Variants in PLEC observed in about 807,000 individuals in gnomAD.
PLEC encodes the protein hemidesmosomal protein 1.
In PLEC, 216 loss-of-function variants were observed where a neutral mutation model predicts 392.8. That is an observed-to-expected ratio of 0.55 (90% confidence interval 0.49 to 0.62). PLEC has a LOEUF of 0.62. Among genes scored for constraint, PLEC ranks in the 20% least tolerant of loss-of-function variants. PLEC has a pLI of 0.00. For synonymous variants in PLEC, 3,621 were observed against 2,980.6 expected, an observed-to-expected ratio of 1.21 and a Z score of -7.00; for missense variants, 6,863 against 6,563.4, an observed-to-expected ratio of 1.05 and a Z score of -1.58.
In PLEC at chr8:143,921,123, C is replaced by G. The variant is rs782610157; in HGVS notation, c.8698G>C (p.Glu2900Gln). 1 of 1,612,858 alleles carries G rather than the reference C, an allele frequency of 6.2e-7. No homozygotes were observed. Among genetic ancestry groups the G allele is most frequent in the South Asian group, 1.1e-5 (1 of 91,084 alleles). The change falls in exon 32 of 32, where the codon GAG becomes CAG. Residue 2900 changes from glutamate to glutamine, a missense_variant. By Grantham distance (29) the Glu-to-Gln change is conservative (BLOSUM62 2). Transcript: ENST00000345136. ...KGGELVYTDSEARDVFEKATV... is the reference protein window; with the variant it reads ...KGGELVYTDSQARDVFEKATV... The stretch of plus-strand genomic sequence containing the variant: ...GCCTTCTCAAAGACGTCCCGGGCCT[C>G]GGAGTCAGTGTAGACCAGCTCCCCG...
intron 5 of PLEC, among the ~76,000 whole-genome samples, chr8:143,936,758 C>G (rs970261744): frequency 5.9e-5 from 9 of 152,200 alleles, no homozygotes; most frequent in African/African-American, 2.2e-4. Context: ...GGCCAGAGGG[C>G]ACGGATAGGT....
At position 143,918,758 on chromosome 8, in the gene PLEC, C is replaced by T. The variant is rs1554676163; in HGVS notation, c.11063G>A (p.Gly3688Asp). ...GTAGACACCAGCCACGGAGCCCGTGCCATAGAGGTAGCACCAGGCGGACTC... is the reference window on the plus strand; with the variant it reads ...GTAGACACCAGCCACGGAGCCCGTGTCATAGAGGTAGCACCAGGCGGACTC... The part of the protein sequence containing the change: ...EAESAWCYLY[G>D]TGSVAGVYLP... The change falls in exon 32 of 32, where the codon GGC becomes GAC. Residue 3688 changes from glycine (G) to aspartate (D), a missense_variant. By Grantham distance (94) the Gly-to-Asp change is moderately conservative. Coordinates refer to ENST00000345136, the MANE Select transcript of PLEC (RefSeq NM_201384.3). 6.2e-7 allele frequency: 1 copy of T among 1,613,094 alleles called. No individual in the cohort carries two copies. Among genetic ancestry groups the T allele is most frequent in the South Asian group, 1.1e-5 (1 of 91,088 alleles).
rs1825641725 is a variant in PLEC at position 143,927,470 on chromosome 8, C to G, written c.3696G>C (p.Gln1232His). 1.3e-6 allele frequency: 2 copies of G among 1,597,518 alleles called. No individual in the cohort carries two copies. The highest frequency in any genetic ancestry group is 1.1e-5 in the South Asian group (1 of 90,910). The change falls in exon 27 of 32, where the codon CAG becomes CAC. Residue 1232 changes from glutamine (Q) to histidine (H), a missense_variant. By Grantham distance (24) the Gln-to-His change is conservative (BLOSUM62 0). Coordinates refer to ENST00000345136, the MANE Select transcript of PLEC (RefSeq NM_201384.3). ...TGTCGGCCAGCGGCATGGCCTGGATCTGCTCCTGCCGCCGCCTGGCGTCCT... is the reference window on the plus strand; with the variant it reads ...TGTCGGCCAGCGGCATGGCCTGGATGTGCTCCTGCCGCCGCCTGGCGTCCT... ...WLQDARRRQEQIQAMPLADSQ... is the reference protein window; with the variant it reads ...WLQDARRRQEHIQAMPLADSQ...
rs1554690599 is a variant in PLEC, at chr8:143,922,826, A to G, written c.7103T>C (p.Leu2368Pro). The G allele has an allele frequency of 2.5e-6, 4 of 1,584,166 alleles. No homozygotes were observed. Among genetic ancestry groups the G allele is most frequent in the Non-Finnish European group, 3.4e-6 (4 of 1,167,686 alleles). Reference sequence around the variant, plus strand: ...CAGCTGCCGCTGCCGCTCGGCCTCCAGCGTCCGCTGGAAGCCCTGCGTCTC... The same window carrying G: ...CAGCTGCCGCTGCCGCTCGGCCTCCGGCGTCCGCTGGAAGCCCTGCGTCTC... ...AEETQGFQRT[L>P]EAERQRQLEM... The change falls in exon 31 of 32, where the codon CTG becomes CCG. Residue 2368 changes from leucine (L) to proline (P), a missense_variant. Transcript: ENST00000345136.
Position 143,938,251 on chromosome 8 carries a change from AG to A in PLEC, c.175-12del, listed in dbSNP as rs782678520. ...GATGTGCCTCTGGGCCTGTGGGGACAGCAGCGGCTGAGGTGGCCAGTCCCCC... is the reference window on the plus strand; with the variant it reads ...GATGTGCCTCTGGGCCTGTGGGGACACAGCGGCTGAGGTGGCCAGTCCCCC... On this transcript the variant is annotated splice_polypyrimidine_tract_variant and intron_variant, in intron 2 of 31. Coordinates refer to ENST00000345136, the MANE Select transcript of PLEC (RefSeq NM_201384.3). The A allele has an allele frequency of 6.3e-7, 1 of 1,586,898 alleles. No individual in the cohort carries two copies. The highest frequency in any genetic ancestry group is 1.1e-5 in the South Asian group (1 of 87,940).
At position 143,920,929 on chromosome 8, in the gene PLEC, C is replaced by T. The variant is rs1554683476; in HGVS notation, c.8892G>A (p.Glu2964=). The part of the protein sequence containing the change: ...KIIKIIITVV[E]EQEQKGRLCF... ...AAAGCCGGCCCTTCTGCTCCTGCTC[C>T]TCCACCACCGTGATGATGATCTTGA... The change falls in exon 32 of 32, where the codon GAG becomes GAA. Residue 2964 remains glutamate, a synonymous_variant. Coordinates refer to ENST00000345136, the MANE Select transcript of PLEC (RefSeq NM_201384.3). The T allele has an allele frequency of 1.2e-6, 2 of 1,612,740 alleles. No individual in the cohort carries two copies. Among genetic ancestry groups the T allele is most frequent in the Non-Finnish European group, 1.7e-6 (2 of 1,180,052 alleles).
chr8:143,933,878 C>T, intron 12 of PLEC, 120 bp downstream of exon 12: 1 of 822,814 alleles, frequency 1.2e-6, no homozygotes, highest in South Asian at 1.5e-5. Context: ...TGCCCCGCCC[C>T]TGCCCCTGCC....
chr8:143,954,035 AC>A, upstream of PLEC: 1 of 801,460 alleles, frequency 1.2e-6, no homozygotes, highest in Non-Finnish European at 1.8e-6. This position sits in a 1 kb window ranked among gnomAD's most constrained non-coding sequence, Gnocchi z 4.6. Context: ...CTGCCAGGTC[AC>A]CAGGCCGGAT....
chr8:143,922,901 G>A lies in PLEC; in HGVS notation c.7028C>T (p.Ala2343Val), dbSNP rs373446919. The A allele has an allele frequency of 6.9e-6, 11 of 1,590,296 alleles. No homozygotes were observed. The highest frequency in any genetic ancestry group is 4.6e-5 in the East Asian group (2 of 43,652). ...CTCCTTGTCCTCCTGCAGCCGCCGC[G>A]CCTGCTCCTGCGCAAGCTCCTTCTG... ...QQQKELAQEQ[A>V]RRLQEDKEQM... Residue 2343 changes from alanine to valine, a missense_variant, in exon 31 of 32, where the codon GCG (alanine) becomes GTG (valine). Coordinates refer to ENST00000345136, the MANE Select transcript of PLEC (RefSeq NM_201384.3).
In PLEC at chr8:143,950,541, G is replaced by T. The variant is rs200146147; in HGVS notation, c.166C>A (p.Arg56=). 31 of 1,607,726 alleles carry T rather than the reference G, an allele frequency of 1.9e-5. No individual in the cohort carries two copies. The East Asian group carries it at 6.3e-4, about 33-fold the overall frequency. Residue 56 remains arginine (R), a synonymous_variant, in exon 1 of 32, where the codon CGG becomes AGG. Transcript: ENST00000322810. Reference sequence around the variant, plus strand: ...GTCTCGCGGACCAGGCCCCGTGCCCGCAGGGACGCCATGGCACGCATGACC... The same window carrying T: ...GTCTCGCGGACCAGGCCCCGTGCCCTCAGGGACGCCATGGCACGCATGACC...
Position 143,918,591 on chromosome 8 carries a change from C to T in PLEC, c.11230G>A (p.Val3744Met), listed in dbSNP as rs528590099. 9 of 1,612,486 alleles carry T rather than the reference C, an allele frequency of 5.6e-6. No homozygotes were observed. Among genetic ancestry groups the T allele is most frequent in the South Asian group, 1.1e-5 (1 of 91,084 alleles). ...LDPVKGERLTVDEAVRKGLVG... is the reference protein window; with the variant it reads ...LDPVKGERLTMDEAVRKGLVG... ...AGGCCCTTCCGCACAGCCTCATCCA[C>T]AGTCAGCCGCTCCCCCTTCACCGGG... Residue 3744 changes from valine to methionine, a missense_variant, in exon 32 of 32, where the codon GTG becomes ATG. Val to Met is a conservative substitution (Grantham distance 21, BLOSUM62 1). Coordinates refer to ENST00000345136, the MANE Select transcript of PLEC (RefSeq NM_201384.3).
Position 143,920,309 on chromosome 8 carries a change from A to G in PLEC, c.9512T>C (p.Leu3171Pro). The G allele has an allele frequency of 6.3e-7, 1 of 1,591,270 alleles. No individual in the cohort carries two copies. Among genetic ancestry groups the G allele is most frequent in the South Asian group, 1.1e-5 (1 of 89,796 alleles). ...GCLDEETSRA[L>P]SAPRADAKAY... ...CTTGGCGTCGGCCCTTGGTGCCGAC[A>G]GGGCCCTGCTGGTCTCCTCATCCAG... The change falls in exon 32 of 32, where the codon CTG (leucine) becomes CCG (proline). Residue 3171 changes from leucine (L) to proline (P), a missense_variant. Coordinates refer to ENST00000345136, the MANE Select transcript of PLEC (RefSeq NM_201384.3).
chr8:143,937,729 C>A (rs546504552), intron 3 of PLEC: 1 of 491,982 alleles, frequency 2.0e-6, no homozygotes, highest in African/African-American at 1.9e-5. Context: ...CCGCTGCAGC[C>A]GGCAGGCACA....
intron 21 of PLEC, 40 bp from the exon 22 acceptor site, chr8:143,930,102 A>C (rs782646093): frequency 5.6e-6 from 9 of 1,600,308 alleles, no homozygotes; most frequent in Non-Finnish European, 7.6e-6. Flanking sequence ...CCAGCGCCCC[A>C]CCCGCCTTCC....
At chr8:143,963,280 G>GTGC (rs1462646763) in intron 1 of PLEC, among the ~76,000 whole-genome samples, 1 of 152,208 alleles carries the variant, frequency 6.6e-6, no homozygotes, top group Non-Finnish European at 1.5e-5. Flanking sequence ...CTGCAAACAT[G>GTGC]TGCTACCCTT....
Position 143,922,001 on chromosome 8 carries a change from G to A in PLEC, c.7820C>T (p.Ala2607Val). The change falls in exon 32 of 32, where the codon GCC becomes GTC. Residue 2607 changes from alanine (A) to valine (V), a missense_variant. Physicochemically the swap from Ala to Val is moderately conservative, Grantham distance 64. Coordinates refer to ENST00000345136, the MANE Select transcript of PLEC (RefSeq NM_201384.3). ...QLQLLEEQHRAALAHSEEVTA... is the reference protein window; with the variant it reads ...QLQLLEEQHRVALAHSEEVTA... Reference sequence around the variant, plus strand: ...GACCTCCTCTGAGTGCGCCAGCGCGGCCCGGTGCTGCTCCTCCAGGAGCTG... The same window carrying A: ...GACCTCCTCTGAGTGCGCCAGCGCGACCCGGTGCTGCTCCTCCAGGAGCTG... 2 of 1,598,158 alleles carry A rather than the reference G, an allele frequency of 1.3e-6. No individual in the cohort carries two copies. Among genetic ancestry groups the A allele is most frequent in the Middle Eastern group, 1.7e-4 (1 of 5,916 alleles).
intron 27 of PLEC, 25 bp from the exon 28 acceptor site, chr8:143,927,360 G>A (rs781930858): frequency 6.8e-5 from 109 of 1,611,516 alleles, no homozygotes; most frequent in Non-Finnish European, 7.3e-5. Context: ...GGTCAGAGCC[G>A]TGGCCGCAGG....
intron 20 of PLEC, 38 bp downstream of exon 20, chr8:143,930,346 T>C: frequency 6.3e-7 from 1 of 1,583,574 alleles, no homozygotes; most frequent in East Asian, 2.3e-5. Flanking sequence ...CTGCCCTGCC[T>C]GGCCACGCCC....
In PLEC at chr8:143,925,566, G is replaced by GGACGCT. The variant is rs1256733019; in HGVS notation, c.4362_4363insAGCGTC (p.Ile1454_Arg1455insSerVal). On this transcript the variant is annotated inframe_insertion, in exon 31 of 32. Transcript: ENST00000345136. Reference sequence around the variant, plus strand: ...GCCTCCAACTGCAGGCGCACCACGCGGATCTCCTCCTCGATGCGCAGCCGG... The same window carrying GGACGCT: ...GCCTCCAACTGCAGGCGCACCACGCGGACGCTGATCTCCTCCTCGATGCGCAGCCGG... 6.3e-7 allele frequency: 1 copy of GGACGCT among 1,587,306 alleles called. No homozygotes were observed. Among genetic ancestry groups the GGACGCT allele is most frequent in the Non-Finnish European group, 8.5e-7 (1 of 1,174,434 alleles).
Sources: gnomAD v4.1 joint callset for allele counts (sites outside exome capture counted in the v4.1 genomes callset) on GRCh38, gnomAD v4.1.1 for gene constraint, Gnocchi (gnomAD v3.1) non-coding constraint, MANE v1.5 for transcripts, NCBI Gene and HGNC (gene_info 2026-07-23, HGNC 2026-07-21) for gene names.